MYO7B: variants seen among roughly 807,000 people sequenced by gnomAD.
MYO7B encodes myosin VIIB.
In MYO7B, 212 loss-of-function variants were observed where a neutral mutation model predicts 259.7. That is an observed-to-expected ratio of 0.82 (90% CI 0.73 to 0.91). The LOEUF is 0.91. Among genes scored for constraint, MYO7B ranks in the 40% least tolerant of loss-of-function variants. MYO7B has a pLI of 0.00. For synonymous variants in MYO7B, 1,197 were observed against 1,166.4 expected, an observed-to-expected ratio of 1.03 and a Z score of -0.54; for missense variants, 2,732 against 2,813.5, an observed-to-expected ratio of 0.97 and a Z score of 0.66.
rs538550806 is a variant in MYO7B, at chr2:127,564,530, C to T, written c.132+264C>T. Among the ~76,000 whole-genome samples, 7 of 152,184 alleles carry T rather than the reference C, an allele frequency of 4.6e-5. No homozygotes were observed. In the South Asian group the frequency reaches 8.3e-4, roughly 18 times the overall value. ...CAGAAAGCCAGTTTGCAAAATGAAA[C>T]GGGCAAGGGGGAAAGGTGGGTGAGG... On this transcript the variant is annotated intron_variant, in intron 3 of 47. Coordinates refer to ENST00000409816, the MANE Select transcript of MYO7B (RefSeq NM_001393586.1).
chr2:127,608,957 C>T lies in MYO7B; in HGVS notation c.2814+79C>T, dbSNP rs1355550237. ...CCCAGTCCGTGAACTCAGTCCACCT[C>T]TCGGCTCCCTGAGAAGCCAGAGCGG... On this transcript the variant is annotated intron_variant, in intron 22 of 47. Coordinates refer to ENST00000409816, the MANE Select transcript of MYO7B (RefSeq NM_001393586.1). The T allele has an allele frequency of 7.9e-6, 12 of 1,509,800 alleles. No homozygotes were observed. In the Admixed American group the frequency reaches 2.4e-4, roughly 30 times the overall value. 93.5% of individuals were successfully genotyped at this position (1,509,800 alleles called of 1,614,324 possible). A position where few individuals can be genotyped will look rare whatever the true frequency, so the allele number is the denominator to read the frequency against.
Position 127,607,398 on chromosome 2 carries a change from C to T in MYO7B, c.2617C>T (p.Arg873Cys), listed in dbSNP as rs1411735494. 2.3e-5 allele frequency: 35 copies of T among 1,551,030 alleles called. 1 individual carries two copies. Among genetic ancestry groups the T allele is most frequent in the Middle Eastern group, 1.7e-4 (1 of 5,986 alleles). Reference protein sequence around the residue: ...QAHARGMAARRNFQQRKANAP... With the variant: ...QAHARGMAARCNFQQRKANAP... ...CCATGCCAGGGGCATGGCTGCCCGGCGCAACTTCCAGCAAAGGAAGGCCAA... is the reference window on the plus strand; with the variant it reads ...CCATGCCAGGGGCATGGCTGCCCGGTGCAACTTCCAGCAAAGGAAGGCCAA... The change falls in exon 21 of 48, where the codon CGC (arginine) becomes TGC (cysteine). Residue 873 changes from arginine (R) to cysteine (C), a missense_variant. This residue lies in a region of MYO7B where 1,906 missense variants were observed against 2,026.4 expected (regional missense o/e 0.94). Coordinates refer to ENST00000409816, the MANE Select transcript of MYO7B (RefSeq NM_001393586.1). This position sits in a 1 kb window ranked among gnomAD's most constrained non-coding sequence, Gnocchi z 4.4.
intron 1 of MYO7B, among the ~76,000 whole-genome samples, chr2:127,555,721 G>A (rs6726372): frequency 0.029 from 4,372 of 152,188 alleles, 218 homozygotes; most frequent in African/African-American, 0.099. Flanking sequence ...GTTCCTTTTG[G>A]AGCTGACTTC....
At chr2:127,591,369 C>T (rs115500899) in intron 16 of MYO7B, among the ~76,000 whole-genome samples, 5,740 of 152,300 alleles carry the variant, frequency 0.038, 222 homozygotes, top group East Asian at 0.15. Context: ...GCAGGACAGG[C>T]AGGCAGGCCT....
chr2:127,622,883 A>G (rs897180619), intron 28 of MYO7B, among the ~76,000 whole-genome samples: 9 of 152,228 alleles, frequency 5.9e-5, no homozygotes, highest in Non-Finnish European at 1.2e-4. Context: ...ACTGAACCAC[A>G]CCAAGCTCAG....
At position 127,611,170 on chromosome 2, in the gene MYO7B, A is replaced by G. The variant is rs1452332877; in HGVS notation, c.3193-1080A>G. ...AGTTCCTTGTCATGTGGGCCTTTCCACAAAGCTGCCTGGGCATCCTCACAA... is the reference window on the plus strand; with the variant it reads ...AGTTCCTTGTCATGTGGGCCTTTCCGCAAAGCTGCCTGGGCATCCTCACAA... On this transcript the variant is annotated intron_variant, in intron 24 of 47. Transcript: ENST00000409816. The surrounding 1 kb of genome is among the most constrained non-coding windows in gnomAD (Gnocchi z 5.4). 6.6e-6 allele frequency among the ~76,000 whole-genome samples: 1 copy of G among 152,174 alleles called. No individual in the cohort carries two copies. Among genetic ancestry groups the G allele is most frequent in the Admixed American group, 6.5e-5 (1 of 15,278 alleles).
intron 1 of MYO7B, among the ~76,000 whole-genome samples, chr2:127,556,007 G>A (rs987007918): frequency 7.9e-5 from 12 of 152,180 alleles, no homozygotes; most frequent in African/African-American, 2.4e-4. Flanking sequence ...TGAAGTCCCC[G>A]GCTATTAATT....
intron 1 of MYO7B, among the ~76,000 whole-genome samples, chr2:127,536,868 C>A (rs13397441): frequency 0.17 from 25,770 of 152,142 alleles, 4,016 homozygotes; most frequent in African/African-American, 0.4. Flanking sequence ...TACGTCTGTC[C>A]TCAGATGCCA....
chr2:127,557,643 G>T (rs1023919387), intron 1 of MYO7B, among the ~76,000 whole-genome samples: 1 of 152,062 alleles, frequency 6.6e-6, no homozygotes, highest in South Asian at 2.1e-4. Flanking sequence ...TATAAAAATA[G>T]GCATATAGAC....
intron 19 of MYO7B, among the ~76,000 whole-genome samples, chr2:127,602,141 A>G (rs1200572222): frequency 6.6e-6 from 1 of 152,058 alleles, no homozygotes; most frequent in African/African-American, 2.4e-5. Flanking sequence ...TTTATCTACA[A>G]TGTGTTAGAG....
rs1680996346 is a variant in MYO7B, at chr2:127,624,281, C to T, written c.4008C>T (p.Val1336=). Residue 1336 remains valine, a synonymous_variant, in exon 30 of 48, where the codon GTC becomes GTT. Coordinates refer to ENST00000409816, the MANE Select transcript of MYO7B (RefSeq NM_001393586.1). ...GCACCGAGCTTATTTACCGCCAAGT[C>T]CTCCGAGGAGTCTGGTCTGGCGAGT... ...PVSTELIYRQ[V]LRGVWSGEYS... The T allele has an allele frequency of 1.3e-6, 2 of 1,588,048 alleles. No homozygotes were observed. Among genetic ancestry groups the T allele is most frequent in the African/African-American group, 1.3e-5 (1 of 74,420 alleles).
rs1316417179 is a variant in MYO7B at position 127,612,594 on chromosome 2, C to G, written c.3389C>G (p.Pro1130Arg). Residue 1130 changes from proline (P) to arginine (R), a missense_variant, in exon 26 of 48, where the codon CCC (proline) becomes CGC (arginine). Transcript: ENST00000409816. ...HFIVGYAILR[P>R]SLRDEIYCQI... Reference sequence around the variant, plus strand: ...ATCGTGGGCTACGCCATCCTGCGGCCCAGCCTCAGGTCAGTTCCCACTCCC... The same window carrying G: ...ATCGTGGGCTACGCCATCCTGCGGCGCAGCCTCAGGTCAGTTCCCACTCCC... 6.2e-7 allele frequency: 1 copy of G among 1,610,304 alleles called. No individual in the cohort carries two copies.
At chr2:127,589,751 AGGAT>A (rs1396332522) in intron 15 of MYO7B, among the ~76,000 whole-genome samples, 1 of 70,778 alleles carries the variant, frequency 1.4e-5, no homozygotes, top group Non-Finnish European at 2.7e-5. Context: ...AGTGGATGGA[AGGAT>A]GGATGGGTGG....
chr2:127,538,486 T>C (rs1692878116), intron 1 of MYO7B, among the ~76,000 whole-genome samples: 1 of 152,154 alleles, frequency 6.6e-6, no homozygotes, highest in Admixed American at 6.5e-5. Flanking sequence ...TAGAGGGTCT[T>C]GCTCATCAGG....
Position 127,608,733 on chromosome 2 carries a change from G to A in MYO7B, c.2669G>A (p.Gly890Glu), listed in dbSNP as rs1384810347. Reference sequence around the variant, plus strand: ...GCGCCGCTGGTCATCCCGGCCGAGGGGCAGAAAAGCCAAGGCGCTCTCCCT... The same window carrying A: ...GCGCCGCTGGTCATCCCGGCCGAGGAGCAGAAAAGCCAAGGCGCTCTCCCT... ...ANAPLVIPAE[G>E]QKSQGALPAK... Residue 890 changes from glycine (G) to glutamate (E), a missense_variant, in exon 22 of 48, where the codon GGG becomes GAG. Around this residue, in one of 3 missense-constraint regions of MYO7B, gnomAD observed 1,906 missense variants for 2,026.4 expected, o/e 0.94. Transcript: ENST00000409816. 9 of 1,612,656 alleles carry A rather than the reference G, an allele frequency of 5.6e-6. No homozygotes were observed. The highest frequency in any genetic ancestry group is 7.6e-6 in the Non-Finnish European group (9 of 1,179,312).
At chr2:127,544,631 A>C (rs1573603907) in intron 1 of MYO7B, among the ~76,000 whole-genome samples, 1 of 131,174 alleles carries the variant, frequency 7.6e-6, no homozygotes, top group African/African-American at 3.0e-5. Flanking sequence ...CCCAGGCTGG[A>C]GTGCAGTGGC....
chr2:127,635,843 A>G lies in MYO7B; in HGVS notation c.5942A>G (p.Lys1981Arg). ...CGGTCCCAGCTGGCTAGTGTCCCCA[A>G]GATCCTGAGGGAACTGGTGCCTGAG... Reference protein sequence around the residue: ...NDRSQLASVPKILRELVPENL... With the variant: ...NDRSQLASVPRILRELVPENL... The change falls in exon 44 of 48, where the codon AAG becomes AGG. Residue 1981 changes from lysine to arginine, a missense_variant. Physicochemically the swap from Lys to Arg is conservative, Grantham distance 26. Coordinates refer to ENST00000409816, the MANE Select transcript of MYO7B (RefSeq NM_001393586.1). The G allele has an allele frequency of 6.3e-7, 1 of 1,585,278 alleles. No individual in the cohort carries two copies. Among genetic ancestry groups the G allele is most frequent in the Non-Finnish European group, 8.6e-7 (1 of 1,166,238 alleles).
Position 127,611,469 on chromosome 2 carries a change from G to A in MYO7B, c.3193-781G>A, listed in dbSNP as rs1157117012. Among the ~76,000 whole-genome samples, 1 of 152,202 alleles carries A rather than the reference G, an allele frequency of 6.6e-6. No individual in the cohort carries two copies. Among genetic ancestry groups the A allele is most frequent in the African/African-American group, 2.4e-5 (1 of 41,462 alleles). The stretch of plus-strand genomic sequence containing the variant: ...GGTCAGATCTCAGGTTTTCTGTCCT[G>A]CATGTGTTTATTAAATATCCATGAC... On this transcript the variant is annotated intron_variant, in intron 24 of 47. Coordinates refer to ENST00000409816, the MANE Select transcript of MYO7B (RefSeq NM_001393586.1). This position sits in a 1 kb window ranked among gnomAD's most constrained non-coding sequence, Gnocchi z 5.4.
chr2:127,628,497 C>A lies in MYO7B; in HGVS notation c.4586C>A (p.Ser1529Tyr). ...ALFLEGLKER[S>Y]IFAMALQDRK... ...TTCCTGGAGGGCCTGAAGGAGAGGT[C>A]CATTTTCGCCATGGCCCTGCAGGAC... The change falls in exon 34 of 48, where the codon TCC (serine) becomes TAC (tyrosine). Residue 1529 changes from serine to tyrosine, a missense_variant. By Grantham distance (144) the Ser-to-Tyr change is moderately radical. This residue lies in a region of MYO7B where 1,906 missense variants were observed against 2,026.4 expected (regional missense o/e 0.94). Coordinates refer to ENST00000409816, the MANE Select transcript of MYO7B (RefSeq NM_001393586.1). This position sits in a 1 kb window ranked among gnomAD's most constrained non-coding sequence, Gnocchi z 4.8. 6.9e-7 allele frequency: 1 copy of A among 1,439,572 alleles called. No homozygotes were observed. Among genetic ancestry groups the A allele is most frequent in the South Asian group, 1.2e-5 (1 of 82,584 alleles). The allele number at this position is 1,439,572 out of a possible 1,614,324, so 89.2% of individuals were successfully genotyped here.
Sources: allele counts gnomAD v4.1 joint callset (sites outside exome capture counted in the v4.1 genomes callset), GRCh38; gene constraint gnomAD v4.1.1; regional missense constraint gnomAD v4.1.1; non-coding constraint Gnocchi (gnomAD v3.1); transcripts MANE v1.5; gene names NCBI Gene and HGNC (gene_info 2026-07-23, HGNC 2026-07-21).